The following GGA1 variants were observed in gnomAD, a reference collection of about 807,000 sequenced individuals.
The protein encoded by GGA1 is golgi associated, gamma adaptin ear containing, ARF binding protein 1.
GGA1 carries 18 observed loss-of-function variants against 76.9 expected under a neutral mutation model. The observed-to-expected ratio is 0.23, with a 90% confidence interval of 0.16 to 0.35. The LOEUF is 0.35. GGA1 is among the 10% of genes least tolerant of loss of function. GGA1 has a pLI of 1.00. For missense variants in GGA1, 755 were observed against 859.0 expected (o/e 0.88, Z 1.51); for synonymous variants, 342 against 354.7 (o/e 0.96, Z 0.40).
intron 6 of GGA1, 44 bp downstream of exon 6, chr22:37,620,957 G>A: frequency 8.5e-7 from 1 of 1,176,576 alleles, no homozygotes; most frequent in Non-Finnish European, 1.3e-6. Flanking sequence ...GAGCCCAGGT[G>A]GGGGTCCGTG....
chr22:37,629,483 C>A lies in GGA1; in HGVS notation c.1115C>A (p.Pro372His). Residue 372 changes from proline (P) to histidine (H), a missense_variant, in exon 12 of 17, where the codon CCT (proline) becomes CAT (histidine). Physicochemically the swap from Pro to His is moderately conservative, Grantham distance 77. Coordinates refer to ENST00000343632, the MANE Select transcript of GGA1 (RefSeq NM_013365.5). ...TCAGGCCTCAGTGACCCCACACCCC[C>A]TTCAGGCCCAAGCCTGGATGGTACC... ...MSLGLSDPTP[P>H]SGPSLDGTGW... 2 of 1,592,132 alleles carry A rather than the reference C, an allele frequency of 1.3e-6. No homozygotes were observed. Among genetic ancestry groups the A allele is most frequent in the South Asian group, 1.1e-5 (1 of 87,714 alleles).
rs774761293 is a variant in GGA1 at position 37,632,426 on chromosome 22, C to G, written c.1720C>G (p.Pro574Ala). The G allele has an allele frequency of 6.2e-7, 1 of 1,612,276 alleles. No homozygotes were observed. The highest frequency in any genetic ancestry group is 1.1e-5 in the South Asian group (1 of 91,062). The change falls in exon 16 of 17, where the codon CCA (proline) becomes GCA (alanine). Residue 574 changes from proline (P) to alanine (A), a missense_variant. Physicochemically the swap from Pro to Ala is conservative, Grantham distance 27 (BLOSUM62 -1). Transcript: ENST00000343632. This position sits in a 1 kb window ranked among gnomAD's most constrained non-coding sequence, Gnocchi z 5.1. ...ACAGGTTATGAAGGTGAAGCTGCAG[C>G]CACCCTCGGGCACGGAGCTGCCAGC... ...VPKVMKVKLQ[P>A]PSGTELPAFN...
rs1929889296 is a variant in GGA1 at position 37,621,548 on chromosome 22, T to G, written c.529-68T>G. 2.3e-5 allele frequency: 22 copies of G among 956,220 alleles called. No homozygotes were observed. The South Asian group carries it at 3.0e-4, about 13-fold the overall frequency. 59.2% of individuals were successfully genotyped at this position (956,220 alleles called of 1,614,324 possible). On this transcript the variant is annotated intron_variant, in intron 6 of 16. Coordinates refer to ENST00000343632, the MANE Select transcript of GGA1 (RefSeq NM_013365.5). The stretch of plus-strand genomic sequence containing the variant: ...ACAGGCAGGAAGCGGGGAGCCATCA[T>G]GTGACTCCAGTCTTCTGACCCCTGG...
chr22:37,620,904 G>A lies in GGA1; in HGVS notation c.519G>A (p.Glu173=). 1 of 1,601,078 alleles carries A rather than the reference G, an allele frequency of 6.2e-7. No homozygotes were observed. The highest frequency in any genetic ancestry group is 8.6e-7 in the Non-Finnish European group (1 of 1,168,050). Residue 173 remains glutamate (E), a synonymous_variant, in exon 6 of 17, where the codon GAG becomes GAA. Coordinates refer to ENST00000343632, the MANE Select transcript of GGA1 (RefSeq NM_013365.5). Reference sequence around the variant, plus strand: ...AGAATGTGATCTTTGAAGATGAGGAGAAATCCAAGGTGAGACTCCAAGGAG... The same window carrying A: ...AGAATGTGATCTTTGAAGATGAGGAAAAATCCAAGGTGAGACTCCAAGGAG... ...RPKNVIFEDE[E]KSKMLARLLK...
rs1254428317 is a variant in GGA1 at position 37,625,773 on chromosome 22, C to T, written c.941-24C>T. On this transcript the variant is annotated intron_variant, in intron 10 of 16. Transcript: ENST00000343632. The surrounding 1 kb of genome is among the most constrained non-coding windows in gnomAD (Gnocchi z 4.1). ...GAGACACGTGTACACCCAGGACTTG[C>T]CAGCCTCTTCTTTCCCACCCCAGGG... is the stretch of plus-strand genomic sequence containing the variant. 25 of 1,533,196 alleles carry T rather than the reference C, an allele frequency of 1.6e-5. No homozygotes were observed. Among genetic ancestry groups the T allele is most frequent in the East Asian group, 2.3e-5 (1 of 43,366 alleles). The allele number at this position is 1,533,196 out of a possible 1,614,324, so 95.0% of individuals were successfully genotyped here. A position where few individuals can be genotyped will look rare whatever the true frequency, so the allele number is the denominator to read the frequency against.
At chr22:37,631,380 A>G (rs1243913127) in intron 14 of GGA1, among the ~76,000 whole-genome samples, 2 of 152,186 alleles carry the variant, frequency 1.3e-5, no homozygotes, top group Admixed American at 1.3e-4. Context: ...GGCAGGGCCC[A>G]GGACACAGAG....
chr22:37,620,639 A>G (rs1233645002), intron 5 of GGA1, among the ~76,000 whole-genome samples, 174 bp from the exon 6 acceptor site: 1 of 152,084 alleles, frequency 6.6e-6, no homozygotes, highest in Non-Finnish European at 1.5e-5. Flanking sequence ...CCCCCAGGCA[A>G]TTTTGATGGA....
At chr22:37,627,126 A>T (rs1344095716) in intron 11 of GGA1, 1 of 152,212 alleles carries the variant, frequency 6.6e-6, no homozygotes, top group African/African-American at 2.4e-5. Context: ...GCACCACTGC[A>T]CTCCAGCCTG....
chr22:37,622,999 A>G (rs904806747), intron 7 of GGA1, among the ~76,000 whole-genome samples: 11 of 152,358 alleles, frequency 7.2e-5, no homozygotes, highest in African/African-American at 2.6e-4. Flanking sequence ...AAGGAGGGCA[A>G]GAGTCACTGA....
At chr22:37,622,441 TTTAA>T (rs1400172572) in intron 7 of GGA1, among the ~76,000 whole-genome samples, 3 of 149,302 alleles carry the variant, frequency 2.0e-5, no homozygotes, top group Admixed American at 6.7e-5. Flanking sequence ...ACTTTTTTTT[TTTAA>T]TTGAGACAAG....
chr22:37,622,223 C>T (rs995737157), intron 7 of GGA1, among the ~76,000 whole-genome samples: 8 of 151,252 alleles, frequency 5.3e-5, no homozygotes, highest in Non-Finnish European at 1.0e-4. Context: ...GCACTAAATA[C>T]GTGTGCCACC....
At position 37,630,009 on chromosome 22, in the gene GGA1, C is replaced by T. The variant is rs1441681362; in HGVS notation, c.1170C>T (p.Ala390=). Reference sequence around the variant, plus strand: ...CCTTTTCCCCACAGTCGTCGGATGCCACTGAGCCCCCAGCCCCTGCTCTGG... The same window carrying T: ...CCTTTTCCCCACAGTCGTCGGATGCTACTGAGCCCCCAGCCCCTGCTCTGG... The part of the protein sequence containing the change: ...TGWNSFQSSD[A]TEPPAPALAQ... The change falls in exon 13 of 17, where the codon GCC becomes GCT. Residue 390 remains alanine, a synonymous_variant. Transcript: ENST00000343632. The T allele has an allele frequency of 6.4e-7, 1 of 1,566,810 alleles. No homozygotes were observed. The highest frequency in any genetic ancestry group is 2.3e-5 in the East Asian group (1 of 43,174).
At chr22:37,614,405 C>T in intron 2 of GGA1, 131 bp downstream of exon 2, 3 of 666,506 alleles carry the variant, frequency 4.5e-6, no homozygotes, top group Non-Finnish European at 8.2e-6. Flanking sequence ...GGATGGGGCA[C>T]TTGGCACTGA....
intron 4 of GGA1, among the ~76,000 whole-genome samples, chr22:37,618,784 GC>G (rs1220230932): frequency 1.3e-5 from 2 of 152,204 alleles, no homozygotes; most frequent in Admixed American, 6.5e-5. Flanking sequence ...GGGCGGGGCA[GC>G]CATGGAGCTG....
At chr22:37,608,980 CG>C in intron 1 of GGA1, 77 bp downstream of exon 1, 1 of 1,322,396 alleles carries the variant, frequency 7.6e-7, no homozygotes. Context: ...CCGGCGGGGG[CG>C]GGGTACGGGT....
intron 2 of GGA1, 49 bp from the exon 3 acceptor site, chr22:37,616,873 G>A (rs1928896108): frequency 1.9e-6 from 3 of 1,541,666 alleles, no homozygotes; most frequent in Non-Finnish European, 2.6e-6. Context: ...GCCCTAGGGT[G>A]ACCGGGACTC....
chr22:37,616,893 T>C, intron 2 of GGA1, 29 bp from the exon 3 acceptor site: 6 of 1,578,422 alleles, frequency 3.8e-6, no homozygotes, highest in Non-Finnish European at 5.2e-6. Flanking sequence ...CCGTGGCGAC[T>C]CTGGCTCTGT....
intron 1 of GGA1, 38 bp from the exon 2 acceptor site, chr22:37,614,152 A>G (rs759431082): frequency 1.4e-6 from 2 of 1,405,026 alleles, no homozygotes; most frequent in East Asian, 2.3e-5. Flanking sequence ...CAGGAATCCC[A>G]CTGCCGGGCC....
At chr22:37,609,594 G>A (rs1310727973) in intron 1 of GGA1, among the ~76,000 whole-genome samples, 1 of 152,148 alleles carries the variant, frequency 6.6e-6, no homozygotes, top group African/African-American at 2.4e-5. Flanking sequence ...TTCCTTCAAA[G>A]GCTTCTACAC....
Sources: gnomAD v4.1 joint callset for allele counts (sites outside exome capture counted in the v4.1 genomes callset) on GRCh38, gnomAD v4.1.1 for gene constraint, Gnocchi (gnomAD v3.1) non-coding constraint, MANE v1.5 for transcripts, NCBI Gene and HGNC (gene_info 2026-07-23, HGNC 2026-07-21) for gene names.